Variants in COMMD1 observed in about 807,000 individuals in gnomAD.
The protein encoded by COMMD1 is COMM domain-containing protein 1.
A neutral mutation model predicts 17.2 loss-of-function variants in COMMD1; 10 were observed. The ratio of observed to expected loss-of-function variants is 0.58; its 90% confidence interval spans 0.36 to 0.99. The LOEUF is 0.99. Ranked by LOEUF, COMMD1 falls within the 50% of genes least tolerant of loss-of-function variation. The pLI is 0.01. For missense variants in COMMD1, 270 were observed against 231.8 expected, an observed-to-expected ratio of 1.17 and a Z score of -1.07; for synonymous variants, 97 against 91.6, an observed-to-expected ratio of 1.06 and a Z score of -0.34.
intron 1 of COMMD1, among the ~76,000 whole-genome samples, chr2:61,983,389 C>G (rs1489854659): frequency 2.0e-5 from 3 of 150,948 alleles, no homozygotes; most frequent in South Asian, 2.1e-4. Context: ...ATGGGGTTTA[C>G]CGTGTTAGCC....
chr2:61,960,215 A>G (rs1317533194), intron 1 of COMMD1, among the ~76,000 whole-genome samples: 1 of 152,100 alleles, frequency 6.6e-6, no homozygotes, highest in Non-Finnish European at 1.5e-5. Flanking sequence ...GAACTTTCCC[A>G]TTTCTCACAA....
At chr2:62,084,391 T>G (rs1470078174) in intron 2 of COMMD1, among the ~76,000 whole-genome samples, 1 of 152,158 alleles carries the variant, frequency 6.6e-6, no homozygotes, top group African/African-American at 2.4e-5. Context: ...AAAGAAAATG[T>G]TATTAAGAAG....
chr2:61,893,022 C>T (rs925749803), intron 1 of COMMD1, among the ~76,000 whole-genome samples: 5 of 151,844 alleles, frequency 3.3e-5, no homozygotes, highest in South Asian at 2.1e-4. Flanking sequence ...CATGCGCCAC[C>T]GTGGTCGGCT....
At chr2:61,999,750 A>G (rs992502888) in intron 1 of COMMD1, among the ~76,000 whole-genome samples, 1 of 151,502 alleles carries the variant, frequency 6.6e-6, no homozygotes, top group Non-Finnish European at 1.5e-5. Flanking sequence ...TTCAAAAAAA[A>G]TTTCATTTTA....
At chr2:62,003,643 C>A (rs1219571569) in intron 2 of COMMD1, among the ~76,000 whole-genome samples, 1 of 151,112 alleles carries the variant, frequency 6.6e-6, no homozygotes, top group African/African-American at 2.4e-5. Context: ...CACACACACC[C>A]AACAGATTAG....
At chr2:61,890,668 C>T (rs936120190) in intron 1 of COMMD1, among the ~76,000 whole-genome samples, 1 of 151,830 alleles carries the variant, frequency 6.6e-6, no homozygotes, top group Non-Finnish European at 1.5e-5. Context: ...TGGCGAAACC[C>T]CGTCTCTACT....
In COMMD1 at chr2:62,055,202, G is replaced by A. The variant is rs941955943; in HGVS notation, c.462+54220G>A. ...TAAGTCGGGCTTTATTTTAGCCTGCGCATGGCCTGCCCACTATTTACCACT... is the reference window on the plus strand; with the variant it reads ...TAAGTCGGGCTTTATTTTAGCCTGCACATGGCCTGCCCACTATTTACCACT... On this transcript the variant is annotated intron_variant, in intron 2 of 2. Transcript: ENST00000311832. Among the ~76,000 whole-genome samples, 6 of 152,164 alleles carry A rather than the reference G, an allele frequency of 3.9e-5. No individual in the cohort carries two copies. In the East Asian group the frequency reaches 5.8e-4, roughly 15 times the overall value.
At chr2:62,116,865 C>T (rs532299337) in intron 2 of COMMD1, among the ~76,000 whole-genome samples, 1 of 147,864 alleles carries the variant, frequency 6.8e-6, no homozygotes, top group South Asian at 2.2e-4. Context: ...CATGGTGGCA[C>T]ATGCCTGTAA....
chr2:62,131,892 A>G (rs1020941593), intron 2 of COMMD1, among the ~76,000 whole-genome samples: 2 of 142,746 alleles, frequency 1.4e-5, no homozygotes, highest in African/African-American at 5.2e-5. Context: ...ACACACACAC[A>G]CACATTTTTT....
At chr2:61,963,010 A>G (rs1671399290) in intron 1 of COMMD1, among the ~76,000 whole-genome samples, 1 of 151,768 alleles carries the variant, frequency 6.6e-6, no homozygotes, top group African/African-American at 2.4e-5. Context: ...AAAATACAAA[A>G]TTAGCTGGGT....
At chr2:62,128,194 G>A (rs1672934027) in intron 2 of COMMD1, among the ~76,000 whole-genome samples, 1 of 151,912 alleles carries the variant, frequency 6.6e-6, no homozygotes, top group Non-Finnish European at 1.5e-5. Flanking sequence ...CAGGCATGTT[G>A]GCATGCGCCT....
At chr2:61,888,635 G>A, upstream of COMMD1, 1 of 1,132,360 alleles carries the variant, frequency 8.8e-7, no homozygotes, top group Non-Finnish European at 1.2e-6. Context: ...GCCGGCGTCG[G>A]GAGGAGGCGG....
In COMMD1 at chr2:62,067,818, AC is replaced by A. The variant is rs551427524; in HGVS notation, c.462+66838del. On this transcript the variant is annotated intron_variant, in intron 2 of 2. Coordinates refer to ENST00000311832, the MANE Select transcript of COMMD1 (RefSeq NM_152516.4). ...AGGATCTTCTAGAGAGAGATCAGAG[AC>A]CTTTCTGCTTCTAAGCTTTTCACAG... 3.9e-3 allele frequency among the ~76,000 whole-genome samples: 590 copies of A among 152,224 alleles called. 7 individuals carry two copies. Among genetic ancestry groups the A allele is most frequent in the African/African-American group, 0.014 (572 of 41,548 alleles).
intron 2 of COMMD1, among the ~76,000 whole-genome samples, chr2:62,069,105 T>C (rs1671132711): frequency 6.6e-6 from 1 of 152,210 alleles, no homozygotes; most frequent in Admixed American, 6.5e-5. Context: ...GGCAGATATT[T>C]TATATTCTGG....
intron 1 of COMMD1, among the ~76,000 whole-genome samples, chr2:61,906,939 C>T (rs1669788644): frequency 6.6e-6 from 1 of 151,944 alleles, no homozygotes; most frequent in South Asian, 2.1e-4. Context: ...ACTGATTTTG[C>T]CTACAGGATT....
chr2:62,026,467 T>C (rs935038923), intron 2 of COMMD1, among the ~76,000 whole-genome samples: 2 of 152,192 alleles, frequency 1.3e-5, no homozygotes, highest in Admixed American at 1.3e-4. Flanking sequence ...ATAAAGGATC[T>C]GCCCCCTCGA....
At chr2:61,930,209 A>G (rs571927478) in intron 1 of COMMD1, among the ~76,000 whole-genome samples, 2 of 152,258 alleles carry the variant, frequency 1.3e-5, no homozygotes, top group South Asian at 2.1e-4. Context: ...GATACTTTAT[A>G]AACCTCTTTT....
At chr2:61,940,797 C>T (rs1221283676) in intron 1 of COMMD1, among the ~76,000 whole-genome samples, 5 of 151,878 alleles carry the variant, frequency 3.3e-5, no homozygotes, top group Non-Finnish European at 7.4e-5. Context: ...GGCCATTCTC[C>T]TGCCTCAGCC....
intron 1 of COMMD1, among the ~76,000 whole-genome samples, chr2:61,993,179 T>C (rs1307315392): frequency 6.6e-6 from 1 of 152,168 alleles, no homozygotes; most frequent in Admixed American, 6.5e-5. Flanking sequence ...TTGATAGTGG[T>C]ATAGAAGATA....
Sources: allele counts gnomAD v4.1 joint callset (sites outside exome capture counted in the v4.1 genomes callset), GRCh38; gene constraint gnomAD v4.1.1; transcripts MANE v1.5; gene names NCBI Gene and HGNC (gene_info 2026-07-23, HGNC 2026-07-21).